The following SYNPR variants were observed in gnomAD, a reference collection of about 807,000 sequenced individuals.
SYNPR encodes the protein synaptoporin.
Under a neutral mutation model 32.9 loss-of-function variants are expected in SYNPR, and 23 were observed. The ratio of observed to expected loss-of-function variants is 0.70; its 90% CI spans 0.50 to 0.99. The LOEUF is 0.99. Among genes scored for constraint, SYNPR ranks in the 50% least tolerant of loss-of-function variants. The pLI, the probability that SYNPR is intolerant of heterozygous loss-of-function variation, is 0.00. For missense variants in SYNPR, 318 were observed against 349.3 expected (o/e 0.91, Z 0.71); for synonymous variants, 146 against 135.9 (o/e 1.07, Z -0.52).
At position 63,352,877 on chromosome 3, in the gene SYNPR, C is replaced by T. The variant is rs1053722629; in HGVS notation, c.84+74135C>T. Among the ~76,000 whole-genome samples the T allele has an allele frequency of 4.6e-5, 7 of 152,254 alleles. No homozygotes were observed. The South Asian group carries it at 1.5e-3, about 32-fold the overall frequency. On this transcript the variant is annotated intron_variant, in intron 2 of 5. Coordinates refer to ENST00000478300, the MANE Select transcript of SYNPR (RefSeq NM_001130003.2). ...TAAGACTTATTCACTATCATGAGAA[C>T]AGCACCGGAAAGACCTGCCCCCATG...
intron 1 of SYNPR, among the ~76,000 whole-genome samples, chr3:63,247,100 C>T (rs2086298264): frequency 6.6e-6 from 1 of 151,968 alleles, no homozygotes; most frequent in South Asian, 2.1e-4. Flanking sequence ...AGCATAATAC[C>T]TGACATTGTG....
chr3:63,571,128 T>C (rs916237542), intron 4 of SYNPR, among the ~76,000 whole-genome samples: 3 of 152,172 alleles, frequency 2.0e-5, no homozygotes, highest in Non-Finnish European at 4.4e-5. Flanking sequence ...GAGACTCAGC[T>C]TGCTATTTTA....
At chr3:63,599,675 T>A (rs886681937) in intron 4 of SYNPR, among the ~76,000 whole-genome samples, 12 of 152,194 alleles carry the variant, frequency 7.9e-5, no homozygotes, top group Non-Finnish European at 1.8e-4. Context: ...TCATTAATAC[T>A]CCTCTAACAC....
chr3:63,279,029 C>A (rs528603392), intron 2 of SYNPR, among the ~76,000 whole-genome samples: 2 of 152,150 alleles, frequency 1.3e-5, no homozygotes, highest in Non-Finnish European at 2.9e-5. Flanking sequence ...AAAGAAACCT[C>A]CCCCTTGGGA....
chr3:63,452,026 C>T (rs1249899507), intron 2 of SYNPR: 3 of 698,994 alleles, frequency 4.3e-6, no homozygotes, highest in Non-Finnish European at 7.8e-6. Flanking sequence ...AGACCAGTTC[C>T]CTGATATAAT....
At chr3:63,317,279 GTTTC>G (rs980882768) in intron 2 of SYNPR, among the ~76,000 whole-genome samples, 2 of 151,730 alleles carry the variant, frequency 1.3e-5, no homozygotes, top group Non-Finnish European at 2.9e-5. Context: ...TAAATCCATT[GTTTC>G]TTTGTTGACT....
chr3:63,343,554 A>C (rs2087397722), intron 2 of SYNPR, among the ~76,000 whole-genome samples: 1 of 151,908 alleles, frequency 6.6e-6, no homozygotes, highest in Non-Finnish European at 1.5e-5. Context: ...ACTGGGTACA[A>C]CCCTCCTTTT....
chr3:63,497,272 C>G (rs183324119), intron 3 of SYNPR, among the ~76,000 whole-genome samples: 1 of 152,072 alleles, frequency 6.6e-6, no homozygotes, highest in South Asian at 2.1e-4. Flanking sequence ...CTTAACAACC[C>G]TCATTAAATG....
chr3:63,310,295 G>A (rs1199674735), intron 2 of SYNPR, among the ~76,000 whole-genome samples: 2 of 151,944 alleles, frequency 1.3e-5, no homozygotes, highest in African/African-American at 4.8e-5. Flanking sequence ...AAAAAGTGAA[G>A]GATGCAAACC....
chr3:63,580,595 T>C (rs1311606922), intron 4 of SYNPR, among the ~76,000 whole-genome samples: 2 of 152,146 alleles, frequency 1.3e-5, no homozygotes, highest in Non-Finnish European at 2.9e-5. Context: ...GCTAGTCAGA[T>C]ACAGATACAG....
At chr3:63,538,934 G>T (rs988115683) in intron 3 of SYNPR, among the ~76,000 whole-genome samples, 1 of 151,876 alleles carries the variant, frequency 6.6e-6, no homozygotes, top group Non-Finnish European at 1.5e-5. Context: ...TGTTTGTATA[G>T]TCTATAGTAA....
At chr3:63,227,416 A>G (rs960955033), upstream of SYNPR, among the ~76,000 whole-genome samples, 2 of 152,238 alleles carry the variant, frequency 1.3e-5, no homozygotes, top group East Asian at 1.9e-4. Context: ...AAAATGTAGG[A>G]GATAAAATCA....
At position 63,308,444 on chromosome 3, in the gene SYNPR, T is replaced by C. The variant is rs144304179; in HGVS notation, c.84+29702T>C. ...TCTATGTACAGATCCACATTTCATC[T>C]GAAATAATTTGCCTTCTGTTTGAGA... is the stretch of plus-strand genomic sequence containing the variant. On this transcript the variant is annotated intron_variant, in intron 2 of 5. Coordinates refer to ENST00000478300, the MANE Select transcript of SYNPR (RefSeq NM_001130003.2). 7.2e-5 allele frequency among the ~76,000 whole-genome samples: 11 copies of C among 152,130 alleles called. No homozygotes were observed. The East Asian group carries it at 2.1e-3, about 30-fold the overall frequency.
At chr3:63,471,603 A>AG (rs1700799173) in intron 2 of SYNPR, among the ~76,000 whole-genome samples, 1 of 152,224 alleles carries the variant, frequency 6.6e-6, no homozygotes, top group South Asian at 2.1e-4. Flanking sequence ...CCTCCTGTAT[A>AG]GGGAGTGGAG....
intron 1 of SYNPR, among the ~76,000 whole-genome samples, chr3:63,230,899 A>T (rs1025290942): frequency 6.6e-6 from 1 of 152,194 alleles, no homozygotes; most frequent in African/African-American, 2.4e-5. Flanking sequence ...GGAATTTCAT[A>T]GCCTATATTA....
chr3:63,581,751 G>T (rs146822896), intron 4 of SYNPR, among the ~76,000 whole-genome samples: 130 of 151,878 alleles, frequency 8.6e-4, no homozygotes, highest in Admixed American at 2.6e-3. Flanking sequence ...GACTTGAAAG[G>T]TTTATTAAAG....
intron 3 of SYNPR, among the ~76,000 whole-genome samples, chr3:63,268,703 A>T (rs57576517): frequency 2.0e-5 from 3 of 151,416 alleles, no homozygotes; most frequent in African/African-American, 4.9e-5. Context: ...TTGCTGTCTC[A>T]GGGGTGGTGG....
intron 2 of SYNPR, among the ~76,000 whole-genome samples, chr3:63,322,969 G>A (rs574578065): frequency 3.9e-5 from 6 of 152,076 alleles, no homozygotes; most frequent in East Asian, 1.9e-4. Flanking sequence ...TTTTATTGAG[G>A]GTTGCCCAGT....
chr3:63,202,936 G>A, the SYNPR span, among the ~76,000 whole-genome samples: 1 of 151,584 alleles, frequency 6.6e-6, no homozygotes, highest in East Asian at 1.9e-4. Context: ...CAGTATTAAT[G>A]AATACAGAAA....
Sources: gnomAD v4.1 joint callset for allele counts (sites outside exome capture counted in the v4.1 genomes callset) on GRCh38, gnomAD v4.1.1 for gene constraint, MANE v1.5 for transcripts, NCBI Gene and HGNC (gene_info 2026-07-23, HGNC 2026-07-21) for gene names.